Variants in ASAP1 observed in about 807,000 individuals in gnomAD.
The protein encoded by ASAP1 is arf-GAP with SH3 domain, ANK repeat and PH domain-containing protein 1.
A neutral mutation model predicts 145.2 loss-of-function variants in ASAP1; 43 were observed. That is an observed-to-expected ratio of 0.30 (90% CI 0.23 to 0.38). The LOEUF (loss-of-function observed/expected upper bound fraction) is 0.38, where lower values mean the gene tolerates loss of function less well. ASAP1 is among the 10% of genes least tolerant of loss of function. The pLI is 1.00. For missense variants in ASAP1, 1,018 were observed against 1,355.3 expected (o/e 0.75, Z 3.91); for synonymous variants, 546 against 515.5 (o/e 1.06, Z -0.80).
chr8:130,221,256 GAAAA>G (rs777096904), intron 4 of ASAP1, among the ~76,000 whole-genome samples: 100 of 151,884 alleles, frequency 6.6e-4, no homozygotes, highest in Non-Finnish European at 1.3e-3. Context: ...AGAAAGGAAA[GAAAA>G]GAAAGAAAGA....
At chr8:130,433,217 G>T (rs1175116480) in intron 1 of ASAP1, among the ~76,000 whole-genome samples, 1 of 152,184 alleles carries the variant, frequency 6.6e-6, no homozygotes, top group Non-Finnish European at 1.5e-5. Context: ...TCAGACAGAA[G>T]CCCCAAATGC....
chr8:130,380,145 A>G (rs147850093), intron 2 of ASAP1, among the ~76,000 whole-genome samples: 25 of 152,318 alleles, frequency 1.6e-4, no homozygotes, highest in African/African-American at 4.8e-4. Flanking sequence ...ATCTGAGTAC[A>G]AGGAGTCTAT....
intron 3 of ASAP1, among the ~76,000 whole-genome samples, chr8:130,297,661 T>C (rs1473706845): frequency 2.0e-5 from 3 of 151,964 alleles, no homozygotes; most frequent in Non-Finnish European, 4.4e-5. Flanking sequence ...ACTCACCAAG[T>C]GGCTTAAGAA....
chr8:130,336,653 C>T (rs1263181768), intron 3 of ASAP1, among the ~76,000 whole-genome samples: 1 of 152,128 alleles, frequency 6.6e-6, no homozygotes. Context: ...AGAAAAGATG[C>T]CATACTCTTA....
chr8:130,067,800 C>T (rs2097433622), intron 27 of ASAP1, among the ~76,000 whole-genome samples: 1 of 152,206 alleles, frequency 6.6e-6, no homozygotes, highest in African/African-American at 2.4e-5. Context: ...ACATAGCACA[C>T]TGCGGCATGT....
At chr8:130,289,267 T>C (rs1042286456) in intron 3 of ASAP1, among the ~76,000 whole-genome samples, 4 of 152,146 alleles carry the variant, frequency 2.6e-5, no homozygotes, top group African/African-American at 4.8e-5. Context: ...GGGTATGTTA[T>C]AATGAATAAG....
intron 3 of ASAP1, among the ~76,000 whole-genome samples, chr8:130,356,234 C>T (rs1040342952): frequency 2.5e-4 from 38 of 152,256 alleles, no homozygotes; most frequent in African/African-American, 9.1e-4. Context: ...CTTATCACAC[C>T]CTTCACAAAC....
At chr8:130,089,777 A>G (rs565187907) in intron 25 of ASAP1, among the ~76,000 whole-genome samples, 1 of 152,374 alleles carries the variant, frequency 6.6e-6, no homozygotes, top group Non-Finnish European at 1.5e-5. Context: ...CTGTGTCTGT[A>G]GACAGTATAT....
intron 3 of ASAP1, among the ~76,000 whole-genome samples, chr8:130,300,701 C>A (rs1822608381): frequency 1.3e-5 from 2 of 152,202 alleles, no homozygotes; most frequent in African/African-American, 4.8e-5. Context: ...GAAAGCTGCA[C>A]ATTAATTTCT....
intron 4 of ASAP1, among the ~76,000 whole-genome samples, chr8:130,232,538 T>A (rs1817967353): frequency 6.6e-6 from 1 of 151,984 alleles, no homozygotes; most frequent in Non-Finnish European, 1.5e-5. Flanking sequence ...TTTTTTAAAA[T>A]GTCCTCATAC....
chr8:130,147,847 A>G (rs997134830), intron 13 of ASAP1, among the ~76,000 whole-genome samples: 4 of 152,222 alleles, frequency 2.6e-5, no homozygotes, highest in Non-Finnish European at 5.9e-5. Flanking sequence ...CCTTTTGAGT[A>G]AAACACCAGA....
In ASAP1 at chr8:130,358,160, G is replaced by T; in HGVS notation, c.60-17C>A. Reference sequence around the variant, plus strand: ...TCCGGCATCCTGCCGGGAGGGACGAGACACAAGCGGGGGCGGGGGGTGAGT... The same window carrying T: ...TCCGGCATCCTGCCGGGAGGGACGATACACAAGCGGGGGCGGGGGGTGAGT... On this transcript the variant is annotated splice_polypyrimidine_tract_variant and intron_variant, in intron 2 of 29. Transcript: ENST00000518721. The surrounding 1 kb of genome is among the most constrained non-coding windows in gnomAD (Gnocchi z 4.1). 1.3e-6 allele frequency: 2 copies of T among 1,593,722 alleles called. No individual in the cohort carries two copies. Among genetic ancestry groups the T allele is most frequent in the Admixed American group, 1.7e-5 (1 of 59,372 alleles).
At chr8:130,318,704 C>T (rs1040719477) in intron 3 of ASAP1, among the ~76,000 whole-genome samples, 3 of 152,186 alleles carry the variant, frequency 2.0e-5, no homozygotes, top group Non-Finnish European at 4.4e-5. Context: ...TTTCCCAAGG[C>T]CTTAAAACTA....
chr8:130,374,918 T>C (rs957154059), intron 2 of ASAP1, among the ~76,000 whole-genome samples: 2 of 152,076 alleles, frequency 1.3e-5, no homozygotes, highest in Non-Finnish European at 2.9e-5. Flanking sequence ...ACCTCCAAGG[T>C]AACATGTGAA....
chr8:130,192,886 G>T (rs748792777), intron 5 of ASAP1, among the ~76,000 whole-genome samples: 1 of 152,060 alleles, frequency 6.6e-6, no homozygotes, highest in Non-Finnish European at 1.5e-5. Context: ...TCTCTACAGG[G>T]CTATCTATAA....
At chr8:130,128,139 ATTT>A (rs745416119) in intron 15 of ASAP1, 49 bp from the exon 16 acceptor site, 11,475 of 177,130 alleles carry the variant, frequency 0.065, 6 homozygotes, top group East Asian at 0.11. Context: ...GAGCATGGTC[ATTT>A]TTTTTTTTTT....
intron 27 of ASAP1, among the ~76,000 whole-genome samples, chr8:130,072,831 G>GCACGCGC (rs58907739): frequency 2.7e-5 from 3 of 110,776 alleles, no homozygotes; most frequent in South Asian, 2.6e-4. Context: ...GTGTGCGCGC[G>GCACGCGC]GGGGGGGGCA....
chr8:130,287,505 G>C (rs771334247), intron 3 of ASAP1, among the ~76,000 whole-genome samples: 5 of 152,038 alleles, frequency 3.3e-5, no homozygotes, highest in Non-Finnish European at 4.4e-5. Flanking sequence ...CTGATTTTTG[G>C]GGGGAGGCCT....
In ASAP1 at chr8:130,295,105, TAATA is replaced by T. The variant is rs144011993; in HGVS notation, c.187-58115_187-58112del. Among the ~76,000 whole-genome samples, 947 of 152,094 alleles carry T rather than the reference TAATA, an allele frequency of 6.2e-3. 8 individuals carry two copies. The highest frequency in any genetic ancestry group is 0.022 in the African/African-American group (917 of 41,464). On this transcript the variant is annotated intron_variant, in intron 3 of 29. Transcript: ENST00000518721. ...ATAGCGCAACCCAGTCTCTACAAAA[TAATA>T]AATAAATGAATAAACATTAAAAATT...
Sources: allele counts gnomAD v4.1 joint callset (sites outside exome capture counted in the v4.1 genomes callset), GRCh38; gene constraint gnomAD v4.1.1; non-coding constraint Gnocchi (gnomAD v3.1); transcripts MANE v1.5; gene names NCBI Gene and HGNC (gene_info 2026-07-23, HGNC 2026-07-21).